Variants in PIGL observed in about 807,000 individuals in gnomAD.
The protein encoded by PIGL is N-acetylglucosaminyl-phosphatidylinositol de-N-acetylase.
A neutral mutation model predicts 31.1 loss-of-function variants in PIGL; 22 were observed. That is an observed-to-expected ratio of 0.71 (90% CI 0.51 to 1.01). The LOEUF is 1.01. Ranked by LOEUF, PIGL falls within the 50% of genes least tolerant of loss-of-function variation. PIGL has a pLI of 0.00. For synonymous variants in PIGL, 131 were observed against 117.4 expected, an observed-to-expected ratio of 1.12 and a Z score of -0.75; for missense variants, 302 against 315.9, an observed-to-expected ratio of 0.96 and a Z score of 0.33.
intron 1 of PIGL, among the ~76,000 whole-genome samples, chr17:16,231,662 A>G (rs1393312265): frequency 6.6e-6 from 1 of 152,174 alleles, no homozygotes; most frequent in East Asian, 1.9e-4. Flanking sequence ...TCTTTACAAA[A>G]TGTCTTTACT....
chr17:16,224,425 G>A (rs1475416095), intron 1 of PIGL, among the ~76,000 whole-genome samples: 2 of 151,520 alleles, frequency 1.3e-5, no homozygotes. Flanking sequence ...CCCTGCTTCA[G>A]CCTCCCGAGT....
chr17:16,231,916 A>G (rs1271950518), intron 1 of PIGL, among the ~76,000 whole-genome samples: 1 of 152,206 alleles, frequency 6.6e-6, no homozygotes, highest in African/African-American at 2.4e-5. Context: ...TATCATAAGT[A>G]TATGGACTAA....
At chr17:16,319,011 T>C (rs946835730) in intron 6 of PIGL, among the ~76,000 whole-genome samples, 13 of 151,150 alleles carry the variant, frequency 8.6e-5, no homozygotes, top group African/African-American at 2.2e-4. Flanking sequence ...CCCAGTACTT[T>C]GGGAGGCCGG....
rs1568802868 is a variant in PIGL at position 16,258,104 on chromosome 17, AGAG to A, written c.335+24035_335+24037del. 1.4e-4 allele frequency among the ~76,000 whole-genome samples: 14 copies of A among 103,016 alleles called. No homozygotes were observed. In the East Asian group the frequency reaches 4.1e-3, roughly 30 times the overall value. 67.6% of individuals were successfully genotyped at this position (103,016 alleles called of 152,430 possible). ...GAGAGAGAGAGAGAGAGAGAGAGAAAGAGAGAGAGAGAGAGAGAGAAAGAGAGA... is the reference window on the plus strand; with the variant it reads ...GAGAGAGAGAGAGAGAGAGAGAGAAAAGAGAGAGAGAGAGAGAAAGAGAGA... On this transcript the variant is annotated intron_variant, in intron 2 of 6. Coordinates refer to ENST00000225609, the MANE Select transcript of PIGL (RefSeq NM_004278.4).
At chr17:16,227,960 T>A (rs933181461) in intron 1 of PIGL, among the ~76,000 whole-genome samples, 3 of 152,086 alleles carry the variant, frequency 2.0e-5, no homozygotes, top group Non-Finnish European at 2.9e-5. Context: ...AGCAATTTCA[T>A]AATTGAAAGA....
At chr17:16,263,632 C>T (rs769130820) in intron 2 of PIGL, among the ~76,000 whole-genome samples, 1 of 150,406 alleles carries the variant, frequency 6.6e-6, no homozygotes, top group Non-Finnish European at 1.5e-5. Context: ...TCAAGCAATT[C>T]TCCTGCTCAG....
intron 2 of PIGL, among the ~76,000 whole-genome samples, chr17:16,284,883 T>G (rs2092930899): frequency 6.6e-6 from 1 of 151,998 alleles, no homozygotes; most frequent in Non-Finnish European, 1.5e-5. Context: ...TAATTACTCT[T>G]TCTCTATTGC....
chr17:16,320,022 G>C (rs900864695), intron 6 of PIGL, among the ~76,000 whole-genome samples: 25 of 150,996 alleles, frequency 1.7e-4, no homozygotes, highest in Non-Finnish European at 2.9e-5. Flanking sequence ...ATTGTGGCTC[G>C]TGCCTGTAGT....
At chr17:16,250,857 G>A (rs1053344036) in intron 2 of PIGL, among the ~76,000 whole-genome samples, 1 of 152,194 alleles carries the variant, frequency 6.6e-6, no homozygotes, top group Non-Finnish European at 1.5e-5. Context: ...TGCAATCTGG[G>A]TGTACAGTAT....
At chr17:16,252,217 G>A (rs1218676556) in intron 2 of PIGL, among the ~76,000 whole-genome samples, 1 of 151,952 alleles carries the variant, frequency 6.6e-6, no homozygotes, top group African/African-American at 2.4e-5. Flanking sequence ...GGGATTACAG[G>A]CACATGCCAA....
At chr17:16,240,931 A>T (rs2092720222) in intron 2 of PIGL, among the ~76,000 whole-genome samples, 1 of 150,404 alleles carries the variant, frequency 6.6e-6, no homozygotes, top group African/African-American at 2.4e-5. Context: ...CCTGACCAAC[A>T]TGGAGAAACC....
At chr17:16,251,418 G>A (rs1321126676) in intron 2 of PIGL, among the ~76,000 whole-genome samples, 5 of 116,218 alleles carry the variant, frequency 4.3e-5, no homozygotes, top group Non-Finnish European at 9.2e-5. Context: ...ACAAGACTCT[G>A]TCTCAAAAAA....
At chr17:16,221,221 T>C (rs571654988) in intron 1 of PIGL, among the ~76,000 whole-genome samples, 52 of 152,332 alleles carry the variant, frequency 3.4e-4, no homozygotes, top group African/African-American at 1.1e-3. Context: ...AGGATGAATT[T>C]ATTAAAGAGC....
At chr17:16,311,525 C>T (rs2093050417) in intron 3 of PIGL, among the ~76,000 whole-genome samples, 1 of 128,120 alleles carries the variant, frequency 7.8e-6, no homozygotes. Flanking sequence ...TTGGCAGGGT[C>T]ATAGGACAAT....
intron 1 of PIGL, among the ~76,000 whole-genome samples, chr17:16,226,306 T>A (rs1413791279): frequency 6.6e-6 from 1 of 152,178 alleles, no homozygotes. Flanking sequence ...CACTTACGTA[T>A]CTGGCTGTCA....
In PIGL at chr17:16,326,113, G is replaced by A; in HGVS notation, c.*215G>A. On this transcript the variant is annotated 3_prime_UTR_variant, in exon 7 of 7. Coordinates refer to ENST00000225609, the MANE Select transcript of PIGL (RefSeq NM_004278.4). Reference sequence around the variant, plus strand: ...AAGAACCAAAAACAAACCACCCCAAGGATAATAATAGCTACACTGCTAGCT... The same window carrying A: ...AAGAACCAAAAACAAACCACCCCAAAGATAATAATAGCTACACTGCTAGCT... 1.8e-6 allele frequency: 1 copy of A among 550,636 alleles called. No homozygotes were observed. The highest frequency in any genetic ancestry group is 3.0e-5 in the East Asian group (1 of 33,748). The allele number at this position is 550,636 out of a possible 1,614,324, so 34.1% of individuals were successfully genotyped here. A position where few individuals can be genotyped will look rare whatever the true frequency, so the allele number is the denominator to read the frequency against.
intron 2 of PIGL, among the ~76,000 whole-genome samples, chr17:16,283,596 G>A (rs1163485219): frequency 6.6e-6 from 1 of 152,164 alleles, no homozygotes; most frequent in Non-Finnish European, 1.5e-5. Context: ...TGAGGTGGGA[G>A]GATCATCTGA....
intron 2 of PIGL, among the ~76,000 whole-genome samples, chr17:16,293,864 A>G (rs2092970740): frequency 6.6e-6 from 1 of 152,216 alleles, no homozygotes; most frequent in Non-Finnish European, 1.5e-5. Context: ...TCAGGTACGA[A>G]GTGGGGTAGT....
intron 2 of PIGL, among the ~76,000 whole-genome samples, chr17:16,259,128 T>TA (rs1156391990): frequency 6.6e-6 from 1 of 152,232 alleles, no homozygotes; most frequent in East Asian, 1.9e-4. Flanking sequence ...TTGGTACAAC[T>TA]GTTATGATCA....
Sources: gnomAD v4.1 joint callset for allele counts (sites outside exome capture counted in the v4.1 genomes callset) on GRCh38, gnomAD v4.1.1 for gene constraint, MANE v1.5 for transcripts, NCBI Gene and HGNC (gene_info 2026-07-23, HGNC 2026-07-21) for gene names.